The following THSD7A variants were observed in gnomAD, a reference collection of about 807,000 sequenced individuals.
THSD7A encodes thrombospondin type-1 domain-containing protein 7A.
In THSD7A, 96 loss-of-function variants were observed where a neutral mutation model predicts 231.3. That is an observed-to-expected ratio of 0.41 (90% CI 0.35 to 0.49). The LOEUF (loss-of-function observed/expected upper bound fraction) is 0.49, where lower values mean the gene tolerates loss of function less well. Among genes scored for constraint, THSD7A ranks in the 20% least tolerant of loss-of-function variants. THSD7A has a pLI of 0.05. For synonymous variants in THSD7A, 940 were observed against 743.3 expected (o/e 1.26, Z -4.30); for missense variants, 2,290 against 2,070.2 (o/e 1.11, Z -2.06).
intron 2 of THSD7A, among the ~76,000 whole-genome samples, chr7:11,622,505 T>C (rs1222581005): frequency 6.6e-6 from 1 of 152,128 alleles, no homozygotes; most frequent in Admixed American, 6.6e-5. Flanking sequence ...AAGAAATAAG[T>C]TGTAAAGTTC....
intron 1 of THSD7A, among the ~76,000 whole-genome samples, chr7:11,708,110 A>G (rs921132466): frequency 1.3e-5 from 2 of 150,732 alleles, no homozygotes; most frequent in Admixed American, 6.6e-5. Context: ...TTAATCTTCA[A>G]AATACCCAGC....
intron 2 of THSD7A, among the ~76,000 whole-genome samples, chr7:11,611,741 G>A (rs1780929578): frequency 6.7e-6 from 1 of 148,838 alleles, no homozygotes; most frequent in East Asian, 2.0e-4. Flanking sequence ...GAAGGTTGTA[G>A]GTTAATCCAG....
intron 16 of THSD7A, among the ~76,000 whole-genome samples, chr7:11,419,292 A>G (rs1784064164): frequency 6.6e-6 from 1 of 152,166 alleles, no homozygotes; most frequent in African/African-American, 2.4e-5. Context: ...GTGGGAGGTC[A>G]CTGGATCATG....
At chr7:11,724,447 T>C (rs1402558448) in intron 1 of THSD7A, among the ~76,000 whole-genome samples, 1 of 151,888 alleles carries the variant, frequency 6.6e-6, no homozygotes, top group Non-Finnish European at 1.5e-5. Flanking sequence ...CTGTACTGAT[T>C]TTATTGCTTA....
chr7:11,415,238 A>G (rs1783922353), intron 17 of THSD7A, among the ~76,000 whole-genome samples: 1 of 152,250 alleles, frequency 6.6e-6, no homozygotes, highest in Non-Finnish European at 1.5e-5. Context: ...GTAAGCTTGG[A>G]GGCCGTCTTG....
intron 1 of THSD7A, among the ~76,000 whole-genome samples, chr7:11,646,082 A>G (rs887544887): frequency 1.3e-5 from 2 of 152,036 alleles, no homozygotes; most frequent in Non-Finnish European, 2.9e-5. Flanking sequence ...TCCTAAATCA[A>G]TGTTTCCCTT....
chr7:11,597,377 T>C (rs1780401125), intron 2 of THSD7A, among the ~76,000 whole-genome samples: 1 of 152,142 alleles, frequency 6.6e-6, no homozygotes, highest in South Asian at 2.1e-4. Context: ...ATATACCGAG[T>C]GACCTGAAAT....
At chr7:11,475,109 A>T (rs1314199853) in intron 7 of THSD7A, among the ~76,000 whole-genome samples, 1 of 152,180 alleles carries the variant, frequency 6.6e-6, no homozygotes, top group African/African-American at 2.4e-5. Context: ...TGGAGTGTAG[A>T]GTTCACATCA....
chr7:11,530,604 G>T (rs1238216368), intron 6 of THSD7A, among the ~76,000 whole-genome samples: 1 of 152,116 alleles, frequency 6.6e-6, no homozygotes, highest in Non-Finnish European at 1.5e-5. Flanking sequence ...ATGTACAATG[G>T]TGTAATGAAG....
At chr7:11,493,973 C>T (rs901207423) in intron 6 of THSD7A, among the ~76,000 whole-genome samples, 17 of 152,048 alleles carry the variant, frequency 1.1e-4, no homozygotes, top group African/African-American at 3.6e-4. Flanking sequence ...CACACACATA[C>T]ACACAGATTT....
At chr7:11,664,801 T>C (rs1783058581) in intron 1 of THSD7A, among the ~76,000 whole-genome samples, 1 of 151,964 alleles carries the variant, frequency 6.6e-6, no homozygotes, top group Non-Finnish European at 1.5e-5. Flanking sequence ...GACAATCCTT[T>C]CCTTTAAACA....
At chr7:11,463,701 A>C (rs1785591237) in intron 9 of THSD7A, among the ~76,000 whole-genome samples, 1 of 152,184 alleles carries the variant, frequency 6.6e-6, no homozygotes, top group Non-Finnish European at 1.5e-5. Flanking sequence ...CAGAGAATTA[A>C]AGTATTTGAA....
intron 1 of THSD7A, among the ~76,000 whole-genome samples, chr7:11,804,432 T>C (rs1784350903): frequency 1.3e-5 from 2 of 152,172 alleles, no homozygotes; most frequent in Non-Finnish European, 2.9e-5. Context: ...CAGTTTTCTA[T>C]AAACAACAAC....
Position 11,628,299 on chromosome 7 carries a change from T to A in THSD7A, c.1022+7831A>T, listed in dbSNP as rs139085812. ...ATTTCTCTTCTAGGCTAGTTCCTCT[T>A]CCCTTTGTAATCTAACCTCCAGAGG... On this transcript the variant is annotated intron_variant, in intron 2 of 27. Coordinates refer to ENST00000423059, the MANE Select transcript of THSD7A (RefSeq NM_015204.3). 2.6e-5 allele frequency among the ~76,000 whole-genome samples: 4 copies of A among 152,302 alleles called. 1 individual carries two copies. Among genetic ancestry groups the A allele is most frequent in the Non-Finnish European group, 5.9e-5 (4 of 68,034 alleles).
chr7:11,678,848 T>G (rs1004160655), intron 1 of THSD7A, among the ~76,000 whole-genome samples: 4 of 152,214 alleles, frequency 2.6e-5, no homozygotes, highest in African/African-American at 9.6e-5. Flanking sequence ...ACTCATTTTA[T>G]GAGGCCAGCA....
chr7:11,677,471 TAA>T (rs1222288730), intron 1 of THSD7A, among the ~76,000 whole-genome samples: 3 of 147,904 alleles, frequency 2.0e-5, no homozygotes, highest in Admixed American at 6.9e-5. Context: ...GCAAATTGGG[TAA>T]AGAGTCAAGA....
intron 6 of THSD7A, among the ~76,000 whole-genome samples, chr7:11,510,556 C>T (rs930116097): frequency 6.6e-6 from 1 of 152,134 alleles, no homozygotes; most frequent in African/African-American, 2.4e-5. Flanking sequence ...TCCAGCAGCA[C>T]ATCAAAAAGC....
intron 1 of THSD7A, among the ~76,000 whole-genome samples, chr7:11,703,222 G>A (rs1160600360): frequency 6.6e-6 from 1 of 151,202 alleles, no homozygotes; most frequent in East Asian, 2.0e-4. Context: ...TGTTGAAGAG[G>A]CTAGAAAATA....
intron 2 of THSD7A, among the ~76,000 whole-genome samples, chr7:11,611,027 G>A (rs1780904188): frequency 6.6e-6 from 1 of 152,098 alleles, no homozygotes; most frequent in Admixed American, 6.5e-5. Context: ...CACGCTATAA[G>A]ACAAGCATGA....
Sources: gnomAD v4.1 joint callset for allele counts (sites outside exome capture counted in the v4.1 genomes callset) on GRCh38, gnomAD v4.1.1 for gene constraint, MANE v1.5 for transcripts, NCBI Gene and HGNC (gene_info 2026-07-23, HGNC 2026-07-21) for gene names.